The following PTPRD variants were observed in gnomAD, a reference collection of about 807,000 sequenced individuals.
PTPRD encodes the protein protein tyrosine phosphatase receptor type D, also known as receptor-type tyrosine-protein phosphatase delta.
PTPRD carries 34 observed loss-of-function variants against 214.5 expected under a neutral mutation model. The ratio of observed to expected loss-of-function variants is 0.16; its 90% CI spans 0.12 to 0.21. The LOEUF (loss-of-function observed/expected upper bound fraction) is 0.21. Ranked by LOEUF, PTPRD falls within the 10% of genes least tolerant of loss-of-function variation. The probability of loss-of-function intolerance (pLI) is 1.00; values close to 1 mark genes in which losing one functional copy is unlikely to be tolerated. For synonymous variants in PTPRD, 1,128 were observed against 845.7 expected, an observed-to-expected ratio of 1.33 and a Z score of -5.79; for missense variants, 2,545 against 2,398.7, an observed-to-expected ratio of 1.06 and a Z score of -1.27.
intron 10 of PTPRD, among the ~76,000 whole-genome samples, chr9:9,121,307 GC>G (rs2099817405): frequency 6.6e-6 from 1 of 152,128 alleles, no homozygotes; most frequent in African/African-American, 2.4e-5. Flanking sequence ...AATTGATTGA[GC>G]AATGACACTA....
intron 7 of PTPRD, among the ~76,000 whole-genome samples, chr9:9,677,889 A>T (rs2096968831): frequency 6.6e-6 from 1 of 152,166 alleles, no homozygotes; most frequent in South Asian, 2.1e-4. Flanking sequence ...TACAAAATCA[A>T]TGTGCAAAAA....
At chr9:9,047,702 A>C (rs1306844234) in intron 10 of PTPRD, among the ~76,000 whole-genome samples, 1 of 152,180 alleles carries the variant, frequency 6.6e-6, no homozygotes, top group Non-Finnish European at 1.5e-5. Context: ...CATATGCAGA[A>C]GAATTAATCT....
intron 11 of PTPRD, among the ~76,000 whole-genome samples, chr9:8,969,391 T>C (rs751164957): frequency 6.6e-6 from 1 of 152,056 alleles, no homozygotes; most frequent in Non-Finnish European, 1.5e-5. Context: ...ATATAAACTT[T>C]TCCTCAAATA....
intron 44 of PTPRD, among the ~76,000 whole-genome samples, chr9:8,321,526 TAAAA>T (rs1242191503): frequency 3.7e-4 from 43 of 115,788 alleles, no homozygotes; most frequent in African/African-American, 1.2e-3. Context: ...TATATATATA[TAAAA>T]GGTATATGCA....
At chr9:10,168,526 C>T (rs912862686) in intron 3 of PTPRD, among the ~76,000 whole-genome samples, 4 of 152,154 alleles carry the variant, frequency 2.6e-5, no homozygotes, top group African/African-American at 9.7e-5. Flanking sequence ...CTATAGAGAT[C>T]TAACAGAAAA....
At chr9:10,389,974 C>T (rs2154490317) in intron 2 of PTPRD, among the ~76,000 whole-genome samples, 1 of 151,844 alleles carries the variant, frequency 6.6e-6, no homozygotes, top group Non-Finnish European at 1.5e-5. Context: ...ATAGCTTTTA[C>T]AGTCAATGCA....
intron 10 of PTPRD, among the ~76,000 whole-genome samples, chr9:9,065,732 G>T (rs955856999): frequency 6.6e-6 from 1 of 152,138 alleles, no homozygotes; most frequent in Non-Finnish European, 1.5e-5. Context: ...TCCCTCTCAA[G>T]TCAAATTCTC....
At chr9:8,895,635 C>T (rs189435435) in intron 11 of PTPRD, among the ~76,000 whole-genome samples, 2 of 152,274 alleles carry the variant, frequency 1.3e-5, no homozygotes, top group Admixed American at 1.3e-4. Flanking sequence ...GCCCTGCATT[C>T]GCTTTTTAAT....
chr9:8,951,097 A>G (rs2154304905), intron 11 of PTPRD, among the ~76,000 whole-genome samples: 1 of 150,844 alleles, frequency 6.6e-6, no homozygotes, highest in Non-Finnish European at 1.5e-5. Context: ...TTAAGGCTAA[A>G]AGTTTATGTG....
chr9:8,570,056 A>C (rs1204499733), intron 14 of PTPRD, among the ~76,000 whole-genome samples: 1 of 152,080 alleles, frequency 6.6e-6, no homozygotes, highest in Non-Finnish European at 1.5e-5. Flanking sequence ...CCACCATACT[A>C]TGCATCCTCT....
chr9:9,570,567 T>C (rs755771462), intron 8 of PTPRD, among the ~76,000 whole-genome samples: 1 of 151,556 alleles, frequency 6.6e-6, no homozygotes, highest in African/African-American at 2.4e-5. Flanking sequence ...GCTCATTATT[T>C]ATCTTTTTGG....
intron 9 of PTPRD, among the ~76,000 whole-genome samples, chr9:9,284,701 C>T (rs993764337): frequency 3.3e-5 from 5 of 151,662 alleles, no homozygotes; most frequent in African/African-American, 9.7e-5. Flanking sequence ...ATGAAGACAG[C>T]CTTTTAGAGA....
At chr9:8,320,923 A>T (rs1826754804) in intron 44 of PTPRD, among the ~76,000 whole-genome samples, 1 of 152,134 alleles carries the variant, frequency 6.6e-6, no homozygotes, top group Non-Finnish European at 1.5e-5. Flanking sequence ...ATTAAACAGC[A>T]TGTGTAACAC....
In PTPRD at chr9:9,841,896, G is replaced by T. The variant is rs147949341; in HGVS notation, c.-367-75045C>A. Among the ~76,000 whole-genome samples, 23 of 152,068 alleles carry T rather than the reference G, an allele frequency of 1.5e-4. No homozygotes were observed. The East Asian group carries it at 3.5e-3, about 23-fold the overall frequency. ...AATATCTGTTGGATTTTTCTTCTTAGAATTGTTAGTTCCTTAAATATGTTG... is the reference window on the plus strand; with the variant it reads ...AATATCTGTTGGATTTTTCTTCTTATAATTGTTAGTTCCTTAAATATGTTG... On this transcript the variant is annotated intron_variant, in intron 5 of 45. Transcript: ENST00000381196.
intron 9 of PTPRD, among the ~76,000 whole-genome samples, chr9:9,356,377 T>C (rs1415785515): frequency 6.6e-6 from 1 of 151,346 alleles, no homozygotes; most frequent in East Asian, 1.9e-4. Context: ...ATTATTCTTG[T>C]TGTATAACAG....
At chr9:9,135,814 A>C (rs1440687762) in intron 10 of PTPRD, among the ~76,000 whole-genome samples, 1 of 151,974 alleles carries the variant, frequency 6.6e-6, no homozygotes, top group Non-Finnish European at 1.5e-5. Context: ...ACATTTGGTC[A>C]CAACTAGAAA....
intron 2 of PTPRD, among the ~76,000 whole-genome samples, chr9:10,462,977 A>G (rs371399999): frequency 2.7e-5 from 4 of 150,050 alleles, no homozygotes; most frequent in East Asian, 3.9e-4. Flanking sequence ...ATATAATATA[A>G]AAATATATAT....
chr9:8,382,863 A>C (rs1251777174), intron 37 of PTPRD, among the ~76,000 whole-genome samples: 3 of 152,238 alleles, frequency 2.0e-5, no homozygotes, highest in Non-Finnish European at 4.4e-5. Flanking sequence ...TTTAGGCTGC[A>C]GTTTGAGAAA....
chr9:10,210,521 G>T (rs72614093), intron 3 of PTPRD, among the ~76,000 whole-genome samples: 36 of 151,650 alleles, frequency 2.4e-4, no homozygotes, highest in African/African-American at 8.0e-4. Flanking sequence ...GCCAAGGAGG[G>T]GGGGCTTCTT....
Sources: allele counts gnomAD v4.1 joint callset (sites outside exome capture counted in the v4.1 genomes callset), GRCh38; gene constraint gnomAD v4.1.1; transcripts MANE v1.5; gene names NCBI Gene and HGNC (gene_info 2026-07-23, HGNC 2026-07-21).